UXS1: variants seen among roughly 807,000 people sequenced by gnomAD.
UXS1 encodes the protein UDP-glucuronic acid decarboxylase 1.
Under a neutral mutation model 62.6 loss-of-function variants are expected in UXS1, and 33 were observed. The observed-to-expected ratio is 0.53, with a 90% CI of 0.40 to 0.70. The LOEUF is 0.70. Among genes scored for constraint, UXS1 ranks in the 30% least tolerant of loss-of-function variants. The pLI is 0.00. For synonymous variants in UXS1, 213 were observed against 206.8 expected (o/e 1.03, Z -0.26); for missense variants, 434 against 556.3 (o/e 0.78, Z 2.21).
At position 106,096,777 on chromosome 2, in the gene UXS1, G is replaced by A; in HGVS notation, c.1087C>T (p.Pro363Ser). Residue 363 changes from proline to serine, a missense_variant, in exon 14 of 15, where the codon CCA (proline) becomes TCA (serine). Pro to Ser is a moderately conservative substitution (Grantham distance 74). Coordinates refer to ENST00000283148, the MANE Select transcript of UXS1 (RefSeq NM_001253875.2). ...IQFLSEAQDD[P>S]QKRKPDIKKA... ...TTGATGTCTGGTTTTCTTTTCTGTG[G>A]GTCATCCTGGGCTTCGGAGAGAAAC... 6.3e-7 allele frequency: 1 copy of A among 1,593,502 alleles called. No individual in the cohort carries two copies.
chr2:106,155,146 C>T (rs933566296), intron 5 of UXS1, among the ~76,000 whole-genome samples: 1 of 152,172 alleles, frequency 6.6e-6, no homozygotes, highest in East Asian at 1.9e-4. Context: ...ATAATTCCCA[C>T]TAGGCCCCAC....
intron 7 of UXS1, among the ~76,000 whole-genome samples, chr2:106,127,106 G>C (rs1008838211): frequency 2.6e-5 from 4 of 152,082 alleles, no homozygotes. Context: ...TAGAATTCCC[G>C]GGGATATATG....
At chr2:106,175,798 AAAG>A (rs1399853404) in intron 1 of UXS1, among the ~76,000 whole-genome samples, 6 of 152,170 alleles carry the variant, frequency 3.9e-5, no homozygotes, top group African/African-American at 1.2e-4. Flanking sequence ...ATCACGAAAC[AAAG>A]AAGAGCCATC....
intron 1 of UXS1, among the ~76,000 whole-genome samples, chr2:106,177,457 A>C (rs1683960690): frequency 6.6e-6 from 1 of 152,104 alleles, no homozygotes; most frequent in South Asian, 2.1e-4. Context: ...CGGCCTCCCA[A>C]AGTGATGGGA....
chr2:106,172,729 G>A (rs1683645340), intron 1 of UXS1, among the ~76,000 whole-genome samples: 1 of 152,178 alleles, frequency 6.6e-6, no homozygotes, highest in South Asian at 2.1e-4. Context: ...CCAGGTGACT[G>A]TGACCCCTGG....
chr2:106,139,521 GACACAT>G lies in UXS1; in HGVS notation c.472+5663_472+5668del, dbSNP rs141443446. Among the ~76,000 whole-genome samples, 719 of 152,164 alleles carry G rather than the reference GACACAT, an allele frequency of 4.7e-3. 4 individuals are homozygous for G. The highest frequency in any genetic ancestry group is 6.9e-3 in the Non-Finnish European group (469 of 68,016). On this transcript the variant is annotated intron_variant, in intron 6 of 14. Coordinates refer to ENST00000283148, the MANE Select transcript of UXS1 (RefSeq NM_001253875.2). Reference sequence around the variant, plus strand: ...CACTGTGCCCAAAACCCACATAAATGACACATACATAGGGAAGAAAAAAATCACCAT... The same window carrying G: ...CACTGTGCCCAAAACCCACATAAATGACATAGGGAAGAAAAAAATCACCAT...
chr2:106,100,897 C>T, intron 12 of UXS1, 161 bp downstream of exon 12: 1 of 887,312 alleles, frequency 1.1e-6, no homozygotes. Flanking sequence ...TATACTCTTA[C>T]TTTGTGTTTG....
chr2:106,102,471 T>C (rs1191225211), intron 11 of UXS1: 5 of 152,130 alleles, frequency 3.3e-5, no homozygotes, highest in African/African-American at 1.2e-4. Context: ...ACTTTTAAGG[T>C]CAAAATTGCA....
At chr2:106,155,424 G>A (rs966684703) in intron 5 of UXS1, among the ~76,000 whole-genome samples, 3 of 152,158 alleles carry the variant, frequency 2.0e-5, no homozygotes, top group Non-Finnish European at 4.4e-5. Flanking sequence ...GAAGGGAAAG[G>A]TACCAAATAG....
intron 1 of UXS1, among the ~76,000 whole-genome samples, chr2:106,172,469 T>A (rs1258297328): frequency 6.6e-6 from 1 of 152,168 alleles, no homozygotes; most frequent in Non-Finnish European, 1.5e-5. Flanking sequence ...TATTTGAGTA[T>A]CTTCTAGGAG....
At chr2:106,120,765 G>T (rs1028977304) in intron 9 of UXS1, among the ~76,000 whole-genome samples, 5 of 152,254 alleles carry the variant, frequency 3.3e-5, no homozygotes, top group Non-Finnish European at 7.3e-5. Flanking sequence ...GGCCACAGAA[G>T]TGACTCTTGC....
rs1163929712 is a variant in UXS1 at position 106,093,993 on chromosome 2, CA to C, written c.*32del. On this transcript the variant is annotated 3_prime_UTR_variant, in exon 15 of 15. Transcript: ENST00000283148. ...CCAAAAATACATCCCATCAAGTGTACAATGGTAGTCTTGTGTCCTAAAAGTG... is the reference window on the plus strand; with the variant it reads ...CCAAAAATACATCCCATCAAGTGTACATGGTAGTCTTGTGTCCTAAAAGTG... 6.3e-7 allele frequency: 1 copy of C among 1,578,564 alleles called. No homozygotes were observed. Among genetic ancestry groups the C allele is most frequent in the Non-Finnish European group, 8.6e-7 (1 of 1,167,482 alleles).
At chr2:106,098,840 A>T in intron 12 of UXS1, 67 bp from the exon 13 acceptor site, 1 of 1,450,262 alleles carries the variant, frequency 6.9e-7, no homozygotes. Flanking sequence ...CCCAGACCAC[A>T]GGCGTGTCTG....
At chr2:106,095,840 G>A (rs973294177) in intron 14 of UXS1, among the ~76,000 whole-genome samples, 5 of 152,216 alleles carry the variant, frequency 3.3e-5, no homozygotes, top group African/African-American at 9.7e-5. Flanking sequence ...CCCTGAGGAC[G>A]AGCGTTCTCT....
chr2:106,155,859 T>C (rs185157415), intron 5 of UXS1, among the ~76,000 whole-genome samples: 3 of 152,298 alleles, frequency 2.0e-5, no homozygotes, highest in South Asian at 2.1e-4. Context: ...CGGACAGCCA[T>C]ATCCAAAAGA....
chr2:106,191,608 C>T (rs1182220976), intron 1 of UXS1, among the ~76,000 whole-genome samples: 2 of 152,260 alleles, frequency 1.3e-5, no homozygotes, highest in African/African-American at 4.8e-5. Context: ...TGGCCCCTGT[C>T]TGCCTGGGCA....
chr2:106,106,049 G>A (rs144356359), intron 10 of UXS1, among the ~76,000 whole-genome samples: 120 of 152,302 alleles, frequency 7.9e-4, no homozygotes, highest in South Asian at 1.5e-3. Flanking sequence ...AAGGAAAAGG[G>A]GAAGGATCAG....
At position 106,143,408 on chromosome 2, in the gene UXS1, CAAAAAAAA is replaced by C. The variant is rs60493984; in HGVS notation, c.472+1774_472+1781del. Among the ~76,000 whole-genome samples the C allele has an allele frequency of 9.3e-4, 36 of 38,652 alleles. No homozygotes were observed. In the East Asian group the frequency reaches 0.011, roughly 11 times the overall value. The allele number at this position is 38,652 out of a possible 152,430, so 25.4% of individuals were successfully genotyped here. A position where few individuals can be genotyped will look rare whatever the true frequency, so the allele number is the denominator to read the frequency against. ...TGGGCAACAGAGAGAGACTCCGTCT[CAAAAAAAA>C]AAAAAAAAAAAAAAAAAAAAAAGGT... On this transcript the variant is annotated intron_variant, in intron 6 of 14. Coordinates refer to ENST00000283148, the MANE Select transcript of UXS1 (RefSeq NM_001253875.2).
intron 10 of UXS1, among the ~76,000 whole-genome samples, chr2:106,109,425 G>C (rs1255935467): frequency 1.3e-5 from 2 of 152,142 alleles, no homozygotes; most frequent in Admixed American, 1.3e-4. Flanking sequence ...TGGAAGAATA[G>C]CAAGGCTTTT....
Sources: allele counts gnomAD v4.1 joint callset (sites outside exome capture counted in the v4.1 genomes callset), GRCh38; gene constraint gnomAD v4.1.1; transcripts MANE v1.5; gene names NCBI Gene and HGNC (gene_info 2026-07-23, HGNC 2026-07-21).